Variants in KANK4 observed in about 807,000 individuals in gnomAD.
The protein encoded by KANK4 is KN motif and ankyrin repeat domain-containing protein 4.
KANK4 carries 50 observed loss-of-function variants against 80.8 expected under a neutral mutation model. The ratio of observed to expected loss-of-function variants is 0.62; its 90% CI spans 0.49 to 0.78. The LOEUF (loss-of-function observed/expected upper bound fraction) is 0.78. Among genes scored for constraint, KANK4 ranks in the 30% least tolerant of loss-of-function variants. The pLI, the probability that KANK4 is intolerant of heterozygous loss-of-function variation, is 0.00. For missense variants in KANK4, 1,196 were observed against 1,240.1 expected, an observed-to-expected ratio of 0.96 and a Z score of 0.53; for synonymous variants, 465 against 506.9, an observed-to-expected ratio of 0.92 and a Z score of 1.11.
At chr1:62,272,286 T>A (rs540160682) in intron 3 of KANK4, 3 of 152,498 alleles carry the variant, frequency 2.0e-5, no homozygotes, top group Non-Finnish European at 4.4e-5. Flanking sequence ...CATTTCCATA[T>A]GTGAGCAGCA....
chr1:62,247,021 A>C lies in KANK4; in HGVS notation c.2883+451T>G, dbSNP rs573491727. On this transcript the variant is annotated intron_variant, in intron 9 of 9. Transcript: ENST00000371153. Reference sequence around the variant, plus strand: ...GGTGATCGACCTGCCTCAGCCTCCCAAAGTGCTGGGATTACAGGTGTGAGC... The same window carrying C: ...GGTGATCGACCTGCCTCAGCCTCCCCAAGTGCTGGGATTACAGGTGTGAGC... Among the ~76,000 whole-genome samples, 533 of 151,656 alleles carry C rather than the reference A, an allele frequency of 3.5e-3. 7 individuals carry two copies. The highest frequency in any genetic ancestry group is 5.4e-3 in the Non-Finnish European group (369 of 67,956).
At chr1:62,250,145 A>G (rs1671578280) in intron 8 of KANK4, among the ~76,000 whole-genome samples, 1 of 150,812 alleles carries the variant, frequency 6.6e-6, no homozygotes, top group Admixed American at 6.6e-5. Flanking sequence ...GCATCACCAC[A>G]CCCGGCTATT....
chr1:62,315,997 A>G (rs1180965815), intron 1 of KANK4, among the ~76,000 whole-genome samples: 5 of 152,228 alleles, frequency 3.3e-5, no homozygotes, highest in Non-Finnish European at 5.9e-5. Context: ...TCCTGAATCA[A>G]TGAAAATCCC....
intron 9 of KANK4, among the ~76,000 whole-genome samples, chr1:62,242,804 G>A (rs946607858): frequency 5.3e-5 from 8 of 152,144 alleles, no homozygotes; most frequent in Non-Finnish European, 1.0e-4. Context: ...AGATGAATAC[G>A]GAAATGATAT....
At chr1:62,287,810 C>A (rs1269979314) in intron 1 of KANK4, among the ~76,000 whole-genome samples, 1 of 152,100 alleles carries the variant, frequency 6.6e-6, no homozygotes, top group Non-Finnish European at 1.5e-5. Context: ...TGGTGGTAGG[C>A]AAGTCTATGG....
intron 2 of KANK4, among the ~76,000 whole-genome samples, chr1:62,279,775 C>T (rs1672412987): frequency 2.0e-5 from 3 of 152,130 alleles, no homozygotes; most frequent in South Asian, 2.1e-4. Flanking sequence ...TGTCTCCCTA[C>T]AGCTCAAGAG....
chr1:62,253,661 C>T (rs893015248), intron 7 of KANK4, among the ~76,000 whole-genome samples: 9 of 152,106 alleles, frequency 5.9e-5, no homozygotes, highest in African/African-American at 1.9e-4. Flanking sequence ...ATCCACCCTC[C>T]TTGGCTTCGC....
chr1:62,274,947 T>C lies in KANK4; in HGVS notation c.157A>G (p.Lys53Glu), dbSNP rs1356201582. ...VDDIEKGNTI[K>E]RIPIHRRAKQ... ...GCCCTTCTGTGGATAGGAATTCTTT[T>C]GATAGTGTTTCCCTTCTCGATGTCA... Residue 53 changes from lysine to glutamate, a missense_variant, in exon 3 of 10, where the codon AAA becomes GAA. Physicochemically the swap from Lys to Glu is moderately conservative, Grantham distance 56. Transcript: ENST00000371153. 4 of 1,614,040 alleles carry C rather than the reference T, an allele frequency of 2.5e-6. No individual in the cohort carries two copies. Among genetic ancestry groups the C allele is most frequent in the Non-Finnish European group, 8.5e-7 (1 of 1,180,036 alleles).
In KANK4 at chr1:62,274,502, T is replaced by A; in HGVS notation, c.602A>T (p.Asp201Val). Residue 201 changes from aspartate to valine, a missense_variant, in exon 3 of 10, where the codon GAT (aspartate) becomes GTT (valine). Asp to Val is a radical substitution (Grantham distance 152). Around this residue, in one of 3 missense-constraint regions of KANK4, gnomAD observed 1,154 missense variants for 1,179.6 expected, o/e 0.98. Coordinates refer to ENST00000371153, the MANE Select transcript of KANK4 (RefSeq NM_181712.5). ...TCCTTCTGCAGGTTCAAAGGTGCCATCACAGACACTGCCTTCACCCTGAAG... is the reference window on the plus strand; with the variant it reads ...TCCTTCTGCAGGTTCAAAGGTGCCAACACAGACACTGCCTTCACCCTGAAG... ...PPLQGEGSVC[D>V]GTFEPAEGLA... 1 of 1,614,158 alleles carries A rather than the reference T, an allele frequency of 6.2e-7. No homozygotes were observed. Among genetic ancestry groups the A allele is most frequent in the Non-Finnish European group, 8.5e-7 (1 of 1,180,018 alleles).
In KANK4 at chr1:62,281,546, T is replaced by C; in HGVS notation, c.16+3A>G. 6.2e-7 allele frequency: 1 copy of C among 1,614,222 alleles called. No homozygotes were observed. Among genetic ancestry groups the C allele is most frequent in the Non-Finnish European group, 8.5e-7 (1 of 1,180,026 alleles). ...ACCAGGCCCTACAAAGCAGCTTGCC[T>C]ACCATCTGTCTTCTCCATCTTTGGA... On this transcript the variant is annotated splice_donor_region_variant and intron_variant, in intron 2 of 9. Coordinates refer to ENST00000371153, the MANE Select transcript of KANK4 (RefSeq NM_181712.5).
chr1:62,266,976 C>G (rs1252326309), intron 5 of KANK4, among the ~76,000 whole-genome samples, 157 bp from the exon 6 acceptor site: 1 of 152,114 alleles, frequency 6.6e-6, no homozygotes, highest in East Asian at 1.9e-4. Context: ...CTGGAGTGAC[C>G]ATGGTGTGTG....
chr1:62,279,051 C>A (rs1391350907), intron 2 of KANK4, among the ~76,000 whole-genome samples: 1 of 152,146 alleles, frequency 6.6e-6, no homozygotes, highest in Non-Finnish European at 1.5e-5. Flanking sequence ...GTCCAGAGCA[C>A]AAATACAATC....
chr1:62,265,766 C>T (rs1011132592), intron 6 of KANK4, among the ~76,000 whole-genome samples: 1 of 152,170 alleles, frequency 6.6e-6, no homozygotes, highest in Non-Finnish European at 1.5e-5. Flanking sequence ...GCCAATATCC[C>T]TTGATTAAAA....
At chr1:62,300,213 C>A (rs566414185) in intron 1 of KANK4, among the ~76,000 whole-genome samples, 44 of 152,202 alleles carry the variant, frequency 2.9e-4, no homozygotes, top group African/African-American at 1.0e-3. Context: ...CTTCACTGGC[C>A]ACAAGGCATG....
intron 2 of KANK4, among the ~76,000 whole-genome samples, chr1:62,276,601 C>G (rs1208988436): frequency 1.3e-5 from 2 of 152,026 alleles, no homozygotes; most frequent in African/African-American, 4.8e-5. Flanking sequence ...CACGGTGAAA[C>G]CCCATCTCTA....
chr1:62,314,802 G>C (rs1644526720), intron 1 of KANK4, among the ~76,000 whole-genome samples: 1 of 152,134 alleles, frequency 6.6e-6, no homozygotes, highest in Non-Finnish European at 1.5e-5. Context: ...CACAATGCCT[G>C]TGTCTCCAGA....
At chr1:62,266,192 T>C (rs1014704671) in intron 6 of KANK4, among the ~76,000 whole-genome samples, 1 of 152,250 alleles carries the variant, frequency 6.6e-6, no homozygotes, top group African/African-American at 2.4e-5. Flanking sequence ...CCTGCTTTCT[T>C]GTGCATATCC....
intron 5 of KANK4, among the ~76,000 whole-genome samples, chr1:62,267,091 T>G (rs1672039510): frequency 6.7e-6 from 1 of 148,716 alleles, no homozygotes; most frequent in Non-Finnish European, 1.5e-5. Context: ...AGCATTTAGG[T>G]GGGGGGTCGT....
intron 1 of KANK4, among the ~76,000 whole-genome samples, chr1:62,309,520 T>C (rs1431097228): frequency 1.3e-5 from 2 of 152,196 alleles, no homozygotes; most frequent in Non-Finnish European, 2.9e-5. Flanking sequence ...AACCACTTTA[T>C]AATTAGAAAG....
Sources: gnomAD v4.1 joint callset for allele counts (sites outside exome capture counted in the v4.1 genomes callset) on GRCh38, gnomAD v4.1.1 for gene constraint, gnomAD v4.1.1 regional missense constraint, MANE v1.5 for transcripts, NCBI Gene and HGNC (gene_info 2026-07-23, HGNC 2026-07-21) for gene names.